The following CSMD2 variants were observed in gnomAD, a reference collection of about 807,000 sequenced individuals.
CSMD2 encodes CUB and Sushi multiple domains 2.
In CSMD2, 130 loss-of-function variants were observed where a neutral mutation model predicts 398.5. The observed-to-expected ratio is 0.33, with a 90% confidence interval of 0.28 to 0.38. The LOEUF (loss-of-function observed/expected upper bound fraction) is 0.38. Ranked by LOEUF, CSMD2 falls within the 10% of genes least tolerant of loss-of-function variation. The pLI is 1.00. For synonymous variants in CSMD2, 1,828 were observed against 1,908.5 expected (o/e 0.96, Z 1.10); for missense variants, 3,829 against 4,764.9 (o/e 0.80, Z 5.78).
At chr1:33,981,909 A>C (rs965401420) in intron 3 of CSMD2, among the ~76,000 whole-genome samples, 2 of 152,102 alleles carry the variant, frequency 1.3e-5, no homozygotes, top group Non-Finnish European at 2.9e-5. Context: ...CTTCAGAGGG[A>C]GGGCTGAGAA....
chr1:33,679,854 T>G (rs1367666220), intron 25 of CSMD2, among the ~76,000 whole-genome samples: 1 of 152,214 alleles, frequency 6.6e-6, no homozygotes, highest in East Asian at 1.9e-4. Flanking sequence ...TATTGTGGAC[T>G]ATGCATTTTA....
chr1:34,106,082 G>A (rs1660496978), intron 1 of CSMD2, among the ~76,000 whole-genome samples: 2 of 152,252 alleles, frequency 1.3e-5, no homozygotes, highest in South Asian at 4.1e-4. Flanking sequence ...ATAGGTGGGG[G>A]TGTTAATGGG....
intron 1 of CSMD2, among the ~76,000 whole-genome samples, chr1:34,152,643 A>G (rs1353285471): frequency 6.6e-6 from 1 of 152,158 alleles, no homozygotes; most frequent in East Asian, 1.9e-4. Flanking sequence ...CTCGGCTTGA[A>G]CATCCTTCTC....
At chr1:33,676,537 A>G (rs1024644562) in intron 25 of CSMD2, among the ~76,000 whole-genome samples, 5 of 152,246 alleles carry the variant, frequency 3.3e-5, no homozygotes, top group Non-Finnish European at 7.3e-5. Flanking sequence ...ATACTGCCCA[A>G]CGTAATTTAT....
chr1:33,592,279 A>G (rs1006316771), intron 44 of CSMD2: 7 of 687,832 alleles, frequency 1.0e-5, no homozygotes, highest in Non-Finnish European at 1.9e-5. Context: ...GAAGAGCAGC[A>G]ATCCATTGCA....
intron 24 of CSMD2, 144 bp from the exon 25 acceptor site, chr1:33,693,200 C>T: frequency 1.1e-6 from 1 of 945,316 alleles, no homozygotes; most frequent in Non-Finnish European, 1.5e-6. Flanking sequence ...ATTAAAAGGT[C>T]TCTGGATGAG....
At chr1:33,541,745 C>T (rs952081177) in intron 58 of CSMD2, among the ~76,000 whole-genome samples, 3 of 152,194 alleles carry the variant, frequency 2.0e-5, no homozygotes, top group East Asian at 1.9e-4. Context: ...ATTCAAAGTG[C>T]CCCCTCTAAG....
chr1:34,086,549 A>G lies in CSMD2; in HGVS notation c.404+2428T>C, dbSNP rs75515168. On this transcript the variant is annotated intron_variant, in intron 2 of 70. Transcript: ENST00000373381. ...CTTCTTTCCATAATCATTAAGGCCA[A>G]GGAGACTGGAATCATCCTCATCTCC... Among the ~76,000 whole-genome samples the G allele has an allele frequency of 5.9e-3, 904 of 152,296 alleles. 9 individuals carry two copies. The highest frequency in any genetic ancestry group is 0.052 in the East Asian group (270 of 5,178).
At chr1:33,673,159 A>G (rs1287856940) in intron 25 of CSMD2, among the ~76,000 whole-genome samples, 2 of 152,008 alleles carry the variant, frequency 1.3e-5, no homozygotes, top group Non-Finnish European at 2.9e-5. Context: ...AGATCAAACT[A>G]CTCCAAGCTA....
At chr1:33,956,749 A>C (rs929742593) in intron 3 of CSMD2, among the ~76,000 whole-genome samples, 1 of 152,076 alleles carries the variant, frequency 6.6e-6, no homozygotes, top group Non-Finnish European at 1.5e-5. Flanking sequence ...CGGTGTCTCC[A>C]AAGGTCTAAC....
chr1:33,975,123 G>GTTT (rs1645912236), intron 3 of CSMD2, among the ~76,000 whole-genome samples: 1 of 152,162 alleles, frequency 6.6e-6, no homozygotes, highest in African/African-American at 2.4e-5. Context: ...CTAGGTGTAG[G>GTTT]AAGGAAGGCT....
chr1:33,887,063 C>G (rs1249133778), intron 5 of CSMD2, among the ~76,000 whole-genome samples: 1 of 151,908 alleles, frequency 6.6e-6, no homozygotes, highest in African/African-American at 2.4e-5. Flanking sequence ...AAAGTCCGTT[C>G]TCTTTCTTCT....
chr1:34,102,188 G>T (rs1320254532), intron 1 of CSMD2, among the ~76,000 whole-genome samples: 2 of 151,936 alleles, frequency 1.3e-5, no homozygotes, highest in Non-Finnish European at 2.9e-5. Context: ...CCGCCACCAC[G>T]CCCGGCTAAT....
At chr1:34,113,621 C>A (rs1661315969) in intron 1 of CSMD2, among the ~76,000 whole-genome samples, 1 of 152,082 alleles carries the variant, frequency 6.6e-6, no homozygotes, top group African/African-American at 2.4e-5. Context: ...GGAGGAGGTG[C>A]CAGGGGCTTG....
intron 53 of CSMD2, 84 bp downstream of exon 53, chr1:33,567,509 T>C: frequency 3.5e-6 from 4 of 1,146,922 alleles, no homozygotes; most frequent in Non-Finnish European, 5.0e-6. Context: ...AAAACAAACC[T>C]CTAGCTAATC....
At chr1:34,118,020 C>A (rs1031563711) in intron 1 of CSMD2, among the ~76,000 whole-genome samples, 1 of 152,052 alleles carries the variant, frequency 6.6e-6, no homozygotes, top group African/African-American at 2.4e-5. Context: ...TCAAGACCAG[C>A]CTAATCAACT....
At chr1:34,148,649 G>C (rs926418709) in intron 1 of CSMD2, among the ~76,000 whole-genome samples, 5 of 152,216 alleles carry the variant, frequency 3.3e-5, no homozygotes, top group African/African-American at 1.2e-4. Flanking sequence ...AGAGCTGCAT[G>C]CTCTGAGCCA....
chr1:33,837,762 A>G (rs2125056975), intron 6 of CSMD2, among the ~76,000 whole-genome samples: 1 of 152,364 alleles, frequency 6.6e-6, no homozygotes, highest in South Asian at 2.1e-4. Context: ...CAGGACTCCC[A>G]AGGGAAAAGT....
chr1:33,872,582 T>C (rs1170768942), intron 5 of CSMD2, among the ~76,000 whole-genome samples: 1 of 151,998 alleles, frequency 6.6e-6, no homozygotes, highest in Non-Finnish European at 1.5e-5. Context: ...GGTTGAAAAG[T>C]TTAGTTCTCA....
Sources: allele counts gnomAD v4.1 joint callset (sites outside exome capture counted in the v4.1 genomes callset), GRCh38; gene constraint gnomAD v4.1.1; transcripts MANE v1.5; gene names NCBI Gene and HGNC (gene_info 2026-07-23, HGNC 2026-07-21).